Variants in MAML2 observed in about 807,000 individuals in gnomAD.
MAML2 encodes the protein mastermind-like protein 2.
A neutral mutation model predicts 96.1 loss-of-function variants in MAML2; 22 were observed. The ratio of observed to expected loss-of-function variants is 0.23; its 90% CI spans 0.16 to 0.33. The LOEUF (loss-of-function observed/expected upper bound fraction) is 0.33, where lower values mean the gene tolerates loss of function less well. Among genes scored for constraint, MAML2 ranks in the 10% least tolerant of loss-of-function variants. MAML2 has a pLI of 1.00. For synonymous variants in MAML2, 561 were observed against 521.3 expected (o/e 1.08, Z -1.04); for missense variants, 1,367 against 1,392.4 (o/e 0.98, Z 0.29).
intron 2 of MAML2, among the ~76,000 whole-genome samples, chr11:96,014,119 T>G (rs1169844038): frequency 6.6e-6 from 1 of 152,136 alleles, no homozygotes; most frequent in Non-Finnish European, 1.5e-5. Context: ...GGGGCACTGA[T>G]GAAGCGAGCC....
In MAML2 at chr11:95,999,067, TA is replaced by T. The variant is rs551952093; in HGVS notation, c.2140-7345del. Among the ~76,000 whole-genome samples the T allele has an allele frequency of 2.6e-5, 4 of 152,222 alleles. No individual in the cohort carries two copies. In the East Asian group the frequency reaches 5.8e-4, roughly 22 times the overall value. ...TCAAAGGCAGTTTGAAGTCCTTTTG[TA>T]AAAAAGTCCAAATTAAAAAATTAAG... On this transcript the variant is annotated intron_variant, in intron 2 of 4. Transcript: ENST00000524717.
At chr11:96,024,964 G>C (rs1396329349) in intron 2 of MAML2, among the ~76,000 whole-genome samples, 1 of 152,170 alleles carries the variant, frequency 6.6e-6, no homozygotes. Context: ...ATGTAAATAA[G>C]TTCAGCCACT....
In MAML2 at chr11:96,342,165, C is replaced by T; in HGVS notation, c.-270G>A. On this transcript the variant is annotated 5_prime_UTR_variant, in exon 1 of 5. Coordinates refer to ENST00000524717, the MANE Select transcript of MAML2 (RefSeq NM_032427.4). ...AACTTACTCTAATTGCATTTGACAG[C>T]TCTGGAGAAGTTGGACAGAGTTGGT... The T allele has an allele frequency of 4.1e-6, 2 of 486,852 alleles. No individual in the cohort carries two copies. The highest frequency in any genetic ancestry group is 8.7e-5 in the South Asian group (2 of 22,998). The allele number at this position is 486,852 out of a possible 1,614,324, so 30.2% of individuals were successfully genotyped here.
chr11:95,995,467 G>A (rs897608028), intron 2 of MAML2, among the ~76,000 whole-genome samples: 5 of 152,032 alleles, frequency 3.3e-5, no homozygotes, highest in Non-Finnish European at 5.9e-5. Context: ...ACTAAGTACC[G>A]TGCCTTAGTT....
Position 96,092,580 on chromosome 11 carries a change from G to T in MAML2, c.1451C>A (p.Ser484Tyr), listed in dbSNP as rs929565113. The T allele has an allele frequency of 6.2e-7, 1 of 1,608,444 alleles. No individual in the cohort carries two copies. Among genetic ancestry groups the T allele is most frequent in the African/African-American group, 1.3e-5 (1 of 74,924 alleles). Residue 484 changes from serine (S) to tyrosine (Y), a missense_variant, in exon 2 of 5, where the codon TCT becomes TAT. Ser to Tyr is a moderately radical substitution (Grantham distance 144). Transcript: ENST00000524717. This position sits in a 1 kb window ranked among gnomAD's most constrained non-coding sequence, Gnocchi z 4.1. ...TGGGCTGAATGTCTGCTGACCAAAA[G>T]AAGGGCTGGGGATTTTCTCCTGCCC... ...PFGQEKIPSP[S>Y]FGQQTFSPQS...
At chr11:96,241,882 G>T (rs896600627) in intron 1 of MAML2, among the ~76,000 whole-genome samples, 2 of 152,046 alleles carry the variant, frequency 1.3e-5, no homozygotes, top group Non-Finnish European at 2.9e-5. Flanking sequence ...TAGTTTGTTT[G>T]GTCTATTTTT....
chr11:96,015,934 A>G (rs142327164), intron 2 of MAML2, among the ~76,000 whole-genome samples: 1 of 152,142 alleles, frequency 6.6e-6, no homozygotes, highest in South Asian at 2.1e-4. Context: ...AGGTCAGTAC[A>G]GTATAAAGGA....
intron 2 of MAML2, among the ~76,000 whole-genome samples, chr11:96,047,745 C>G (rs1052303650): frequency 2.0e-5 from 3 of 151,666 alleles, no homozygotes; most frequent in Non-Finnish European, 2.9e-5. Flanking sequence ...CCTGTCTCTA[C>G]TAAAAATACA....
chr11:95,980,571 T>C (rs1238799693), intron 4 of MAML2, among the ~76,000 whole-genome samples: 1 of 152,226 alleles, frequency 6.6e-6, no homozygotes. Flanking sequence ...ATTCTTCAGT[T>C]CCAGGAGGTG....
At chr11:96,001,802 G>T (rs1365540873) in intron 2 of MAML2, among the ~76,000 whole-genome samples, 2 of 152,144 alleles carry the variant, frequency 1.3e-5, no homozygotes, top group African/African-American at 4.8e-5. Context: ...GGCCTTCCAT[G>T]ATCTGGGCTC....
At chr11:96,234,508 T>TA (rs1862340634) in intron 1 of MAML2, among the ~76,000 whole-genome samples, 1 of 152,034 alleles carries the variant, frequency 6.6e-6, no homozygotes, top group African/African-American at 2.4e-5. Flanking sequence ...AATAAACACA[T>TA]ACATACATTT....
At chr11:96,006,245 T>C in intron 2 of MAML2, among the ~76,000 whole-genome samples, 1 of 152,206 alleles carries the variant, frequency 6.6e-6, no homozygotes, top group Non-Finnish European at 1.5e-5. Context: ...ATTAGAGGTT[T>C]CACTTGGATC....
At chr11:96,075,455 C>T (rs925941162) in intron 2 of MAML2, among the ~76,000 whole-genome samples, 2 of 152,148 alleles carry the variant, frequency 1.3e-5, no homozygotes, top group African/African-American at 4.8e-5. Flanking sequence ...CTGTCTCCTT[C>T]CCAGACAGGG....
At chr11:96,021,090 G>A (rs2135736709) in intron 2 of MAML2, among the ~76,000 whole-genome samples, 1 of 152,286 alleles carries the variant, frequency 6.6e-6, no homozygotes, top group Admixed American at 6.5e-5. Context: ...AAATGTGGAA[G>A]CCTTCCTCAA....
chr11:96,106,582 T>C (rs1335269718), intron 1 of MAML2, among the ~76,000 whole-genome samples: 1 of 152,204 alleles, frequency 6.6e-6, no homozygotes, highest in Non-Finnish European at 1.5e-5. Context: ...CCTCATTCTG[T>C]ATCATTCCTT....
rs1468626617 is a variant in MAML2, at chr11:96,093,173, C to A, written c.858G>T (p.Glu286Asp). 10 of 1,614,006 alleles carry A rather than the reference C, an allele frequency of 6.2e-6. No homozygotes were observed. The highest frequency in any genetic ancestry group is 1.7e-5 in the Admixed American group (1 of 60,024). ...CTCCGTACCTATTAGGAAAAATATT[C>A]TCTTGGGTCATTTGGCCATCCATGT... ...SKHMDGQMTQENIFPNRYGDD... is the reference protein window; with the variant it reads ...SKHMDGQMTQDNIFPNRYGDD... Residue 286 changes from glutamate (E) to aspartate (D), a missense_variant, in exon 2 of 5, where the codon GAG (glutamate) becomes GAT (aspartate). Transcript: ENST00000524717.
At chr11:95,986,465 G>A (rs1481108252) in intron 3 of MAML2, among the ~76,000 whole-genome samples, 1 of 152,022 alleles carries the variant, frequency 6.6e-6, no homozygotes, top group Non-Finnish European at 1.5e-5. Context: ...CTCCCAGAGT[G>A]CTGGGATTAC....
intron 1 of MAML2, among the ~76,000 whole-genome samples, chr11:96,195,534 C>A (rs745406647): frequency 6.6e-6 from 1 of 152,182 alleles, no homozygotes; most frequent in South Asian, 2.1e-4. Context: ...ATTCTCTGTG[C>A]CTTCTGGGTG....
At position 95,991,657 on chromosome 11, in the gene MAML2, T is replaced by C. The variant is rs1376704977; in HGVS notation, c.2206A>G (p.Asn736Asp). Residue 736 changes from asparagine (N) to aspartate (D), a missense_variant, in exon 3 of 5, where the codon AAC (asparagine) becomes GAC (aspartate). Physicochemically the swap from Asn to Asp is conservative, Grantham distance 23 (BLOSUM62 1). Transcript: ENST00000524717. ...GAGTTCATGTAACCACTTCCAGTGTTTGGATTTGAGCAGGGGTTAGGACTT... is the reference window on the plus strand; with the variant it reads ...GAGTTCATGTAACCACTTCCAGTGTCTGGATTTGAGCAGGGGTTAGGACTT... Reference protein sequence around the residue: ...SPSPNPCSNPNTGSGYMNSQQ... With the variant: ...SPSPNPCSNPDTGSGYMNSQQ... 1 of 1,613,746 alleles carries C rather than the reference T, an allele frequency of 6.2e-7. No homozygotes were observed. The highest frequency in any genetic ancestry group is 8.5e-7 in the Non-Finnish European group (1 of 1,179,722).
Sources: gnomAD v4.1 joint callset for allele counts (sites outside exome capture counted in the v4.1 genomes callset) on GRCh38, gnomAD v4.1.1 for gene constraint, Gnocchi (gnomAD v3.1) non-coding constraint, MANE v1.5 for transcripts, NCBI Gene and HGNC (gene_info 2026-07-23, HGNC 2026-07-21) for gene names.